The following PPP3CA variants were observed in gnomAD, a reference collection of about 807,000 sequenced individuals.
PPP3CA encodes protein phosphatase 3 catalytic subunit alpha, also known as CAM-PRP catalytic subunit.
In PPP3CA, 14 loss-of-function variants were observed where a neutral mutation model predicts 66.5. That is an observed-to-expected ratio of 0.21 (90% CI 0.14 to 0.33). The LOEUF (loss-of-function observed/expected upper bound fraction) is 0.33. Ranked by LOEUF, PPP3CA falls within the 10% of genes least tolerant of loss-of-function variation. The pLI is 1.00. For synonymous variants in PPP3CA, 232 were observed against 226.2 expected, an observed-to-expected ratio of 1.03 and a Z score of -0.23; for missense variants, 317 against 639.5, an observed-to-expected ratio of 0.50 and a Z score of 5.44.
chr4:101,327,938 C>CA lies in PPP3CA; in HGVS notation c.58+18800dup, dbSNP rs1285565091. On this transcript the variant is annotated intron_variant, in intron 1 of 13. Coordinates refer to ENST00000394854, the MANE Select transcript of PPP3CA (RefSeq NM_000944.5). ...CTGGACACCTTTCATAAACAACAAC[C>CA]AAAAAAAATATATTTGAAGTTCAGG... Among the ~76,000 whole-genome samples the CA allele has an allele frequency of 3.3e-5, 5 of 150,832 alleles. No individual in the cohort carries two copies. In the East Asian group the frequency reaches 9.7e-4, roughly 29 times the overall value.
intron 1 of PPP3CA, among the ~76,000 whole-genome samples, chr4:101,255,442 T>C (rs1726809531): frequency 6.6e-6 from 1 of 151,964 alleles, no homozygotes; most frequent in African/African-American, 2.4e-5. Context: ...CATTTTTCAG[T>C]TTAACATAAA....
At chr4:101,223,068 G>C (rs1725674132) in intron 1 of PPP3CA, among the ~76,000 whole-genome samples, 1 of 151,692 alleles carries the variant, frequency 6.6e-6, no homozygotes. Context: ...ATTTGCCCAA[G>C]CTGTCAAACC....
intron 1 of PPP3CA, among the ~76,000 whole-genome samples, chr4:101,346,233 G>T (rs1487488424): frequency 6.6e-6 from 1 of 152,010 alleles, no homozygotes; most frequent in African/African-American, 2.4e-5. Flanking sequence ...CTGCAATGGA[G>T]CTCCAAGACA....
intron 1 of PPP3CA, among the ~76,000 whole-genome samples, chr4:101,227,119 CACATACATACAT>C (rs33970429): frequency 1.4e-5 from 2 of 145,974 alleles, no homozygotes; most frequent in African/African-American, 2.5e-5. Flanking sequence ...TGTACATACA[CACATACATACAT>C]ACATACATAC....
chr4:101,267,650 A>G (rs1254587610), intron 1 of PPP3CA, among the ~76,000 whole-genome samples: 1 of 152,180 alleles, frequency 6.6e-6, no homozygotes, highest in Non-Finnish European at 1.5e-5. Context: ...AAAGAAGTGT[A>G]GGGAAATGTG....
At position 101,083,231 on chromosome 4, in the gene PPP3CA, T is replaced by C. The variant is rs1355122946; in HGVS notation, c.815A>G (p.Asn272Ser). The C allele has an allele frequency of 6.2e-7, 1 of 1,609,108 alleles. No homozygotes were observed. Among genetic ancestry groups the C allele is most frequent in the Admixed American group, 1.7e-5 (1 of 59,536 alleles). ...GGCTCGGAGTATAGATAACAAGTTATTGTGCTGTAAGAATTCACATACAGC... is the reference window on the plus strand; with the variant it reads ...GGCTCGGAGTATAGATAACAAGTTACTGTGCTGTAAGAATTCACATACAGC... ...YPAVCEFLQHNNLLSILRAHE... is the reference protein window; with the variant it reads ...YPAVCEFLQHSNLLSILRAHE... Residue 272 changes from asparagine to serine, a missense_variant, in exon 7 of 14, where the codon AAT (asparagine) becomes AGT (serine). Transcript: ENST00000394854.
chr4:101,118,524 A>AT (rs1169348743), intron 2 of PPP3CA, among the ~76,000 whole-genome samples: 7 of 151,494 alleles, frequency 4.6e-5, no homozygotes, highest in Admixed American at 1.3e-4. Flanking sequence ...CTTCACTCAG[A>AT]TTTTTTTTGG....
intron 1 of PPP3CA, among the ~76,000 whole-genome samples, chr4:101,220,914 A>G (rs1725605132): frequency 6.6e-6 from 1 of 151,780 alleles, no homozygotes; most frequent in South Asian, 2.1e-4. Context: ...AGATTGTCCT[A>G]TTTGAATTAA....
chr4:101,346,933 G>A lies in PPP3CA; in HGVS notation c.-137C>T. ...GCAAACCGCTCGGCTGGAGGTCTAGGCTCTGAGCTGGCTTTAAAGTTGCTG... is the reference window on the plus strand; with the variant it reads ...GCAAACCGCTCGGCTGGAGGTCTAGACTCTGAGCTGGCTTTAAAGTTGCTG... On this transcript the variant is annotated 5_prime_UTR_variant, in exon 1 of 14. Coordinates refer to ENST00000394854, the MANE Select transcript of PPP3CA (RefSeq NM_000944.5). 1 of 1,003,074 alleles carries A rather than the reference G, an allele frequency of 1.0e-6. No homozygotes were observed. The highest frequency in any genetic ancestry group is 1.5e-6 in the Non-Finnish European group (1 of 670,826). 62.1% of individuals were successfully genotyped at this position (1,003,074 alleles called of 1,614,324 possible).
intron 8 of PPP3CA, among the ~76,000 whole-genome samples, chr4:101,070,173 TC>T (rs768628803): frequency 7.2e-5 from 11 of 152,244 alleles, no homozygotes; most frequent in Middle Eastern, 3.4e-3. Flanking sequence ...GAGGCACAGA[TC>T]CCTTTTTTTT....
At chr4:101,319,879 T>C (rs1057433190) in intron 1 of PPP3CA, among the ~76,000 whole-genome samples, 2 of 152,198 alleles carry the variant, frequency 1.3e-5, no homozygotes, top group African/African-American at 4.8e-5. Context: ...TGGTATCATA[T>C]ATTATTAAGC....
chr4:101,235,782 G>A (rs946955372), intron 1 of PPP3CA, among the ~76,000 whole-genome samples: 5 of 151,696 alleles, frequency 3.3e-5, no homozygotes, highest in African/African-American at 1.2e-4. Flanking sequence ...TGTTATAGAG[G>A]ATAATATATA....
chr4:101,028,039 T>G (rs905384805), intron 13 of PPP3CA, among the ~76,000 whole-genome samples: 1 of 152,208 alleles, frequency 6.6e-6, no homozygotes, highest in African/African-American at 2.4e-5. Flanking sequence ...TAGCAGTTTA[T>G]TCACTGCTAT....
chr4:101,200,474 C>A (rs1724933859), intron 1 of PPP3CA, among the ~76,000 whole-genome samples: 1 of 152,080 alleles, frequency 6.6e-6, no homozygotes, highest in South Asian at 2.1e-4. Context: ...TATGCCAATG[C>A]ATATTTTTAA....
chr4:101,041,955 G>T (rs1391153109), intron 10 of PPP3CA, among the ~76,000 whole-genome samples: 8 of 151,972 alleles, frequency 5.3e-5, no homozygotes, highest in Non-Finnish European at 1.2e-4. Context: ...GATGATAACT[G>T]GTATGTGTTT....
At chr4:101,045,978 T>C (rs942997857) in intron 10 of PPP3CA, among the ~76,000 whole-genome samples, 1 of 152,232 alleles carries the variant, frequency 6.6e-6, no homozygotes, top group South Asian at 2.1e-4. Flanking sequence ...AATGAAACTA[T>C]ACTTGGAAGA....
At chr4:101,178,596 C>G (rs1724138094) in intron 2 of PPP3CA, among the ~76,000 whole-genome samples, 1 of 152,062 alleles carries the variant, frequency 6.6e-6, no homozygotes, top group Non-Finnish European at 1.5e-5. Context: ...TGCTAAAACC[C>G]TTCCTCTCTT....
intron 11 of PPP3CA, 85 bp from the exon 12 acceptor site, chr4:101,032,449 A>C: frequency 9.1e-7 from 1 of 1,094,698 alleles, no homozygotes; most frequent in Non-Finnish European, 1.4e-6. Flanking sequence ...AAAAATGCAT[A>C]TAAGCACCCA....
intron 5 of PPP3CA, among the ~76,000 whole-genome samples, chr4:101,094,183 T>C (rs747037248): frequency 6.6e-6 from 1 of 152,152 alleles, no homozygotes; most frequent in Non-Finnish European, 1.5e-5. Flanking sequence ...CTCTTGCCTC[T>C]ATTATCTCTA....
Sources: gnomAD v4.1 joint callset for allele counts (sites outside exome capture counted in the v4.1 genomes callset) on GRCh38, gnomAD v4.1.1 for gene constraint, MANE v1.5 for transcripts, NCBI Gene and HGNC (gene_info 2026-07-23, HGNC 2026-07-21) for gene names.